The following ZFAND4 variants were observed in gnomAD, a reference collection of about 807,000 sequenced individuals.
ZFAND4 encodes zinc finger AN1-type containing 4.
In ZFAND4, 43 loss-of-function variants were observed where a neutral mutation model predicts 64.4. The ratio of observed to expected loss-of-function variants is 0.67; its 90% CI spans 0.52 to 0.86. ZFAND4 has a LOEUF of 0.86. Ranked by LOEUF, ZFAND4 falls within the 40% of genes least tolerant of loss-of-function variation. The pLI, the probability that ZFAND4 is intolerant of heterozygous loss-of-function variation, is 0.00. For synonymous variants in ZFAND4, 296 were observed against 305.7 expected, an observed-to-expected ratio of 0.97 and a Z score of 0.33; for missense variants, 929 against 859.8, an observed-to-expected ratio of 1.08 and a Z score of -1.01.
In ZFAND4 at chr10:45,625,473, C is replaced by CAA. The variant is rs1195950172; in HGVS notation, c.1872+476_1872+477dup. Among the ~76,000 whole-genome samples the CAA allele has an allele frequency of 4.6e-3, 243 of 52,684 alleles. 5 individuals carry two copies. The highest frequency in any genetic ancestry group is 0.016 in the African/African-American group (195 of 12,100). 34.6% of individuals were successfully genotyped at this position (52,684 alleles called of 152,430 possible). On this transcript the variant is annotated intron_variant, in intron 7 of 9. Coordinates refer to ENST00000344646, the MANE Select transcript of ZFAND4 (RefSeq NM_174890.4). ...TGGGTGAAAGAGCGAGACTCCGTCT[C>CAA]AAAAAAAAAAAAAAAAAAAAAGGGA...
intron 5 of ZFAND4, among the ~76,000 whole-genome samples, chr10:45,641,429 G>T (rs1387063706): frequency 2.6e-5 from 4 of 152,134 alleles, no homozygotes. Flanking sequence ...GCCTTAATGG[G>T]GTATATTCCT....
chr10:45,631,005 T>C (rs141660640), intron 6 of ZFAND4, among the ~76,000 whole-genome samples: 85 of 148,184 alleles, frequency 5.7e-4, no homozygotes, highest in Non-Finnish European at 9.4e-4. Context: ...ACCACGACGA[T>C]GTTCTAACTT....
intron 2 of ZFAND4, among the ~76,000 whole-genome samples, chr10:45,660,173 A>AG (rs1015242058): frequency 2.0e-5 from 3 of 151,826 alleles, no homozygotes; most frequent in Admixed American, 6.6e-5. Flanking sequence ...AAAAAAAAAA[A>AG]AAAAAGAAAA....
At position 45,672,307 on chromosome 10, in the gene ZFAND4, C is replaced by A. The variant is rs2049253007; in HGVS notation, c.-175G>T. 6.6e-6 allele frequency: 1 copy of A among 152,282 alleles called. No homozygotes were observed. The highest frequency in any genetic ancestry group is 2.4e-5 in the African/African-American group (1 of 41,464). 9.4% of individuals were successfully genotyped at this position (152,282 alleles called of 1,614,324 possible). Reference sequence around the variant, plus strand: ...GTTGCTCCTCCAAGACCAATCCGGGCTCCCCAGACCCACCGGCCTGAATCT... The same window carrying A: ...GTTGCTCCTCCAAGACCAATCCGGGATCCCCAGACCCACCGGCCTGAATCT... On this transcript the variant is annotated 5_prime_UTR_variant, in exon 1 of 10. Transcript: ENST00000344646.
Position 45,663,613 on chromosome 10 carries a change from GT to G in ZFAND4, c.112del (p.Thr38HisfsTer5), listed in dbSNP as rs1287194452. On this transcript the variant is annotated frameshift_variant, in exon 2 of 10. Transcript: ENST00000344646. LOFTEE classifies it high-confidence loss of function. Reference protein sequence around the residue: ...MELFIETLTGTCFELRVSPFE... With the variant: ...MELFIETLTGXCFELRVSPFE... ...AGGTGAAACTCTCAGCTCAAAACAT[GT>G]TCCAGTTAATGTTTCAATGAAGAGC... 1.2e-6 allele frequency: 2 copies of G among 1,610,942 alleles called. No homozygotes were observed. Among genetic ancestry groups the G allele is most frequent in the Non-Finnish European group, 1.7e-6 (2 of 1,179,110 alleles).
chr10:45,656,499 C>G (rs1183075254), intron 2 of ZFAND4, among the ~76,000 whole-genome samples: 1 of 43,168 alleles, frequency 2.3e-5, no homozygotes, highest in Non-Finnish European at 4.0e-5. Context: ...GAGAACCTGT[C>G]TCAAAAAAAA....
At chr10:45,657,469 A>G (rs550948971) in intron 2 of ZFAND4, among the ~76,000 whole-genome samples, 1 of 152,366 alleles carries the variant, frequency 6.6e-6, no homozygotes, top group South Asian at 2.1e-4. Flanking sequence ...GAGCAACTAG[A>G]ACTTTTATGT....
chr10:45,619,423 A>C (rs1208417339), intron 8 of ZFAND4, among the ~76,000 whole-genome samples: 1 of 152,172 alleles, frequency 6.6e-6, no homozygotes, highest in African/African-American at 2.4e-5. Flanking sequence ...ATAAGCAGAG[A>C]GGCTCAAAGT....
intron 2 of ZFAND4, among the ~76,000 whole-genome samples, chr10:45,662,936 G>A (rs2048571253): frequency 6.6e-6 from 1 of 152,044 alleles, no homozygotes; most frequent in Non-Finnish European, 1.5e-5. Context: ...ATTACTTATT[G>A]CAGAAATCTG....
chr10:45,667,540 C>T (rs529337196), intron 1 of ZFAND4, among the ~76,000 whole-genome samples: 4 of 141,992 alleles, frequency 2.8e-5, no homozygotes, highest in African/African-American at 1.1e-4. Context: ...ACGATCTCCG[C>T]TTATTGTAAC....
intron 1 of ZFAND4, among the ~76,000 whole-genome samples, chr10:45,671,905 T>C (rs1201047372): frequency 2.0e-5 from 3 of 151,942 alleles, no homozygotes; most frequent in African/African-American, 7.3e-5. Flanking sequence ...AAGGATGAAA[T>C]GGAAGTTAAA....
chr10:45,640,445 ATT>A, intron 5 of ZFAND4: 1 of 1,195,074 alleles, frequency 8.4e-7, no homozygotes, highest in African/African-American at 1.6e-5. Context: ...AAAAAAAAGA[ATT>A]CATACACAGG....
At chr10:45,638,546 CATA>C (rs1387484956) in intron 6 of ZFAND4, among the ~76,000 whole-genome samples, 1 of 151,992 alleles carries the variant, frequency 6.6e-6, no homozygotes, top group Non-Finnish European at 1.5e-5. Context: ...AATTGTCTGG[CATA>C]ATACTAAAGT....
chr10:45,630,849 G>T (rs955086206), intron 6 of ZFAND4, among the ~76,000 whole-genome samples: 1 of 151,848 alleles, frequency 6.6e-6, no homozygotes, highest in African/African-American at 2.4e-5. Flanking sequence ...CAGGGCAGAG[G>T]GGGTATCTCA....
At chr10:45,654,625 A>T (rs2047983200) in intron 2 of ZFAND4, among the ~76,000 whole-genome samples, 1 of 152,144 alleles carries the variant, frequency 6.6e-6, no homozygotes, top group Non-Finnish European at 1.5e-5. Flanking sequence ...CTCAAAAAAA[A>T]AAAAAGATAT....
At chr10:45,648,808 T>C (rs971825950) in intron 4 of ZFAND4, among the ~76,000 whole-genome samples, 1 of 151,228 alleles carries the variant, frequency 6.6e-6, no homozygotes, top group African/African-American at 2.5e-5. Flanking sequence ...CCTATGCCAT[T>C]ATAGTCTATA....
intron 1 of ZFAND4, among the ~76,000 whole-genome samples, chr10:45,670,112 G>C (rs1224690768): frequency 6.6e-6 from 1 of 152,050 alleles, no homozygotes; most frequent in Non-Finnish European, 1.5e-5. Flanking sequence ...CAGATGACAT[G>C]ATTATACATT....
intron 1 of ZFAND4, among the ~76,000 whole-genome samples, chr10:45,670,556 A>T (rs2049113321): frequency 6.6e-6 from 1 of 152,206 alleles, no homozygotes; most frequent in Non-Finnish European, 1.5e-5. Context: ...CATCTTTGAC[A>T]AACCTGACAA....
intron 1 of ZFAND4, among the ~76,000 whole-genome samples, chr10:45,667,856 T>C (rs2048931394): frequency 6.6e-6 from 1 of 152,216 alleles, no homozygotes; most frequent in African/African-American, 2.4e-5. Flanking sequence ...CCTTGTCTAA[T>C]TCTTGATTGT....
Sources: gnomAD v4.1 joint callset for allele counts (sites outside exome capture counted in the v4.1 genomes callset) on GRCh38, gnomAD v4.1.1 for gene constraint, MANE v1.5 for transcripts, NCBI Gene and HGNC (gene_info 2026-07-23, HGNC 2026-07-21) for gene names.